Variants in RASAL2 observed in about 807,000 individuals in gnomAD.
RASAL2 encodes RAS protein activator like 2, also known as ras GTPase-activating protein nGAP.
A neutral mutation model predicts 128.9 loss-of-function variants in RASAL2; 58 were observed. The observed-to-expected ratio is 0.45, with a 90% CI of 0.36 to 0.56. The LOEUF is 0.56. RASAL2 is among the 20% of genes least tolerant of loss of function. The pLI, the probability that RASAL2 is intolerant of heterozygous loss-of-function variation, is 0.00. For missense variants in RASAL2, 1,360 were observed against 1,601.6 expected (o/e 0.85, Z 2.57); for synonymous variants, 561 against 580.8 (o/e 0.97, Z 0.49).
chr1:178,246,698 T>C (rs140225170), intron 1 of RASAL2, among the ~76,000 whole-genome samples: 6 of 152,194 alleles, frequency 3.9e-5, no homozygotes, highest in Non-Finnish European at 7.3e-5. Context: ...ATATTGGCTG[T>C]GGGTTTGTCA....
chr1:178,237,845 A>T (rs1205262686), intron 1 of RASAL2, among the ~76,000 whole-genome samples: 1 of 152,124 alleles, frequency 6.6e-6, no homozygotes, highest in Non-Finnish European at 1.5e-5. Flanking sequence ...ATCTTCACAT[A>T]CTGAAACTCT....
chr1:178,237,697 C>G, intron 1 of RASAL2, among the ~76,000 whole-genome samples: 1 of 152,160 alleles, frequency 6.6e-6, no homozygotes, highest in East Asian at 1.9e-4. Flanking sequence ...ACACACAATT[C>G]AATTACTTTT....
At chr1:178,398,532 G>A (rs963753597) in intron 4 of RASAL2, among the ~76,000 whole-genome samples, 3 of 151,998 alleles carry the variant, frequency 2.0e-5, no homozygotes, top group Non-Finnish European at 2.9e-5. Flanking sequence ...TATTATATTT[G>A]TATATCAATG....
chr1:178,189,696 T>C (rs937933463), intron 1 of RASAL2, among the ~76,000 whole-genome samples: 1 of 152,180 alleles, frequency 6.6e-6, no homozygotes, highest in African/African-American at 2.4e-5. Flanking sequence ...GTCTCAAAAG[T>C]ATGGTGTATA....
At chr1:178,157,692 C>G (rs184201195) in intron 1 of RASAL2, among the ~76,000 whole-genome samples, 77 of 152,248 alleles carry the variant, frequency 5.1e-4, no homozygotes, top group Admixed American at 5.0e-3. Flanking sequence ...ACCACTATTG[C>G]ATGTAAATCT....
chr1:178,278,206 G>A (rs1666617319), intron 1 of RASAL2, among the ~76,000 whole-genome samples: 1 of 152,166 alleles, frequency 6.6e-6, no homozygotes, highest in Admixed American at 6.5e-5. Context: ...ACCCCGTCCT[G>A]CTAGTGTACA....
At chr1:178,219,736 C>A (rs1010094915) in intron 1 of RASAL2, among the ~76,000 whole-genome samples, 2 of 151,888 alleles carry the variant, frequency 1.3e-5, no homozygotes, top group African/African-American at 4.8e-5. Flanking sequence ...TTTTGTTTTG[C>A]CTTCCTCACT....
At chr1:178,188,263 C>T (rs1340752074) in intron 1 of RASAL2, among the ~76,000 whole-genome samples, 2 of 152,146 alleles carry the variant, frequency 1.3e-5, no homozygotes, top group Admixed American at 1.3e-4. Context: ...TCTCAGTCTC[C>T]CTAAACTCCC....
chr1:178,368,400 C>G (rs1412489087), intron 3 of RASAL2, among the ~76,000 whole-genome samples: 1 of 152,130 alleles, frequency 6.6e-6, no homozygotes, highest in Non-Finnish European at 1.5e-5. Flanking sequence ...GTAGCACATG[C>G]ATATGTGTAT....
chr1:178,416,980 G>GT (rs57449533), intron 4 of RASAL2, among the ~76,000 whole-genome samples: 23,459 of 142,964 alleles, frequency 0.16, 2,134 homozygotes, highest in African/African-American at 0.26. Context: ...TTCTTTTAGG[G>GT]TTTTTTTTTT....
intron 3 of RASAL2, among the ~76,000 whole-genome samples, chr1:178,314,294 A>C (rs753018355): frequency 2.0e-5 from 3 of 152,226 alleles, no homozygotes; most frequent in Non-Finnish European, 4.4e-5. Flanking sequence ...AGAAAATGTC[A>C]GTAAGAAAAA....
intron 1 of RASAL2, among the ~76,000 whole-genome samples, chr1:178,231,631 TCA>T (rs1169675137): frequency 6.6e-6 from 1 of 152,170 alleles, no homozygotes; most frequent in Non-Finnish European, 1.5e-5. Flanking sequence ...AAATACTCAC[TCA>T]CAGTTTTTTT....
At chr1:178,342,874 C>T (rs569690498) in intron 3 of RASAL2, among the ~76,000 whole-genome samples, 13 of 152,270 alleles carry the variant, frequency 8.5e-5, no homozygotes, top group Admixed American at 2.6e-4. Context: ...TACTTCACCT[C>T]ATGAATTATG....
intron 1 of RASAL2, among the ~76,000 whole-genome samples, chr1:178,098,125 ATT>A: frequency 6.6e-6 from 1 of 152,312 alleles, no homozygotes; most frequent in Middle Eastern, 3.4e-3. Flanking sequence ...AGACTATAAA[ATT>A]TTTGATATCA....
intron 3 of RASAL2, among the ~76,000 whole-genome samples, chr1:178,306,466 T>G (rs1667994671): frequency 6.6e-6 from 1 of 152,330 alleles, no homozygotes; most frequent in East Asian, 1.9e-4. Context: ...CCCTGAGGAA[T>G]AGCCACACTG....
chr1:178,219,987 C>T (rs1019282763), intron 1 of RASAL2, among the ~76,000 whole-genome samples: 1 of 152,076 alleles, frequency 6.6e-6, no homozygotes, highest in Non-Finnish European at 1.5e-5. Context: ...TGAGTTCTTG[C>T]TCTGAGTTCA....
chr1:178,454,316 A>G (rs1677608320), intron 11 of RASAL2, 131 bp from the exon 12 acceptor site: 2 of 661,574 alleles, frequency 3.0e-6, no homozygotes, highest in Non-Finnish European at 5.1e-6. Context: ...TTTATCACTT[A>G]TAGATAATAA....
intron 3 of RASAL2, among the ~76,000 whole-genome samples, chr1:178,319,540 C>A (rs914653936): frequency 6.7e-6 from 1 of 149,458 alleles, no homozygotes; most frequent in Non-Finnish European, 1.5e-5. Flanking sequence ...TCATTTCATT[C>A]ATTTCATCTT....
chr1:178,436,174 C>G (rs140248431), intron 5 of RASAL2, among the ~76,000 whole-genome samples: 1 of 152,108 alleles, frequency 6.6e-6, no homozygotes, highest in East Asian at 1.9e-4. Flanking sequence ...TTCCTGTTTA[C>G]TATAATCTTG....
Sources: allele counts gnomAD v4.1 joint callset (sites outside exome capture counted in the v4.1 genomes callset), GRCh38; gene constraint gnomAD v4.1.1; transcripts MANE v1.5; gene names NCBI Gene and HGNC (gene_info 2026-07-23, HGNC 2026-07-21).